The following SLIT3 variants were observed in gnomAD, a reference collection of about 807,000 sequenced individuals.
SLIT3 encodes the protein slit guidance ligand 3, also known as slit homolog 3 protein.
Under a neutral mutation model 184.0 loss-of-function variants are expected in SLIT3, and 68 were observed. The observed-to-expected ratio is 0.37, with a 90% CI of 0.30 to 0.45. The LOEUF (loss-of-function observed/expected upper bound fraction) is 0.45, where lower values mean the gene tolerates loss of function less well. Among genes scored for constraint, SLIT3 ranks in the 20% least tolerant of loss-of-function variants. The pLI is 1.00. For synonymous variants in SLIT3, 831 were observed against 828.6 expected, an observed-to-expected ratio of 1.00 and a Z score of -0.05; for missense variants, 1,707 against 2,026.0, an observed-to-expected ratio of 0.84 and a Z score of 3.02.
At chr5:168,950,116 G>T (rs979250363) in intron 4 of SLIT3, among the ~76,000 whole-genome samples, 1 of 151,314 alleles carries the variant, frequency 6.6e-6, no homozygotes, top group African/African-American at 2.4e-5. Flanking sequence ...ATTTAGAGGT[G>T]GGGAGTTTGG....
chr5:168,771,177 G>A (rs1755538775), intron 14 of SLIT3, among the ~76,000 whole-genome samples: 1 of 152,156 alleles, frequency 6.6e-6, no homozygotes, highest in Non-Finnish European at 1.5e-5. Context: ...AGGAATAGAG[G>A]CCAAGGTTGG....
chr5:169,098,575 G>C (rs1044643147), intron 4 of SLIT3, among the ~76,000 whole-genome samples: 2 of 152,178 alleles, frequency 1.3e-5, no homozygotes, highest in African/African-American at 4.8e-5. Flanking sequence ...CAGACAGACA[G>C]ATGTCCCGTA....
chr5:169,084,228 A>G (rs1759187759), intron 4 of SLIT3, among the ~76,000 whole-genome samples: 1 of 152,130 alleles, frequency 6.6e-6, no homozygotes, highest in African/African-American at 2.4e-5. Context: ...AAGAGAAAAA[A>G]AAGATTGAAG....
At chr5:168,794,261 T>C (rs1245656942) in intron 10 of SLIT3, among the ~76,000 whole-genome samples, 2 of 151,896 alleles carry the variant, frequency 1.3e-5, no homozygotes, top group Non-Finnish European at 2.9e-5. Context: ...TGGGGGGATG[T>C]GAAAAGAGTA....
intron 2 of SLIT3, among the ~76,000 whole-genome samples, chr5:169,249,308 G>GT (rs1462268490): frequency 1.3e-5 from 2 of 152,066 alleles, no homozygotes; most frequent in African/African-American, 2.4e-5. Context: ...GGGATGGGGG[G>GT]TAGGGGAAGG....
At chr5:169,100,203 AG>A in intron 4 of SLIT3, among the ~76,000 whole-genome samples, 1 of 152,326 alleles carries the variant, frequency 6.6e-6, no homozygotes, top group Non-Finnish European at 1.5e-5. Flanking sequence ...AGAAGAGCCT[AG>A]GAAGAATGGT....
chr5:169,229,533 AC>A (rs1215081576), intron 3 of SLIT3, among the ~76,000 whole-genome samples: 1 of 152,244 alleles, frequency 6.6e-6, no homozygotes, highest in African/African-American at 2.4e-5. Flanking sequence ...TGATGGGAGA[AC>A]AGGGAAAGAA....
intron 4 of SLIT3, among the ~76,000 whole-genome samples, chr5:169,167,730 G>A (rs1322678078): frequency 2.0e-5 from 3 of 152,102 alleles, no homozygotes; most frequent in East Asian, 1.9e-4. Flanking sequence ...AGGCAGGCTG[G>A]CTTCTGGTAC....
intron 5 of SLIT3, among the ~76,000 whole-genome samples, chr5:168,874,237 AGTC>A (rs1218302642): frequency 6.6e-6 from 1 of 152,192 alleles, no homozygotes; most frequent in African/African-American, 2.4e-5. Context: ...TTAAAATAAT[AGTC>A]TCCATTATCC....
intron 4 of SLIT3, among the ~76,000 whole-genome samples, chr5:169,046,145 C>T (rs1027652080): frequency 1.3e-5 from 2 of 152,058 alleles, no homozygotes; most frequent in African/African-American, 4.8e-5. Flanking sequence ...CCAAAAGGTG[C>T]CTTATTTTTG....
intron 5 of SLIT3, among the ~76,000 whole-genome samples, chr5:168,872,640 C>CTTTTTTTTTTTTTT (rs774066150): frequency 1.8e-5 from 2 of 112,430 alleles, no homozygotes; most frequent in African/African-American, 3.5e-5. Context: ...TCTTCTTCTT[C>CTTTTTTTTTTTTTT]TTTTTTTTTT....
chr5:168,706,276 G>C (rs547610374), intron 26 of SLIT3, among the ~76,000 whole-genome samples: 3 of 151,918 alleles, frequency 2.0e-5, no homozygotes, highest in African/African-American at 4.8e-5. Flanking sequence ...TGATTCTTAC[G>C]GCAAACCTAT....
At chr5:168,775,865 G>C (rs910643251) in intron 12 of SLIT3, among the ~76,000 whole-genome samples, 1 of 152,160 alleles carries the variant, frequency 6.6e-6, no homozygotes, top group Non-Finnish European at 1.5e-5. Context: ...AGGATGCCAC[G>C]AGGGTGACAG....
intron 4 of SLIT3, among the ~76,000 whole-genome samples, chr5:168,907,863 T>C (rs1321467577): frequency 2.0e-5 from 3 of 148,220 alleles, no homozygotes; most frequent in South Asian, 2.1e-4. Flanking sequence ...TATATCTATA[T>C]CTATAGATAC....
intron 4 of SLIT3, among the ~76,000 whole-genome samples, chr5:168,905,361 TGC>T (rs1761013509): frequency 6.6e-6 from 1 of 152,210 alleles, no homozygotes; most frequent in Non-Finnish European, 1.5e-5. Flanking sequence ...AACACCTGTA[TGC>T]TTGCTGGTGC....
At chr5:169,055,572 T>G (rs1757967478) in intron 4 of SLIT3, among the ~76,000 whole-genome samples, 1 of 152,204 alleles carries the variant, frequency 6.6e-6, no homozygotes, top group Non-Finnish European at 1.5e-5. Flanking sequence ...TCGGGCGCAG[T>G]GGCTCACGCC....
chr5:169,149,952 G>A (rs1762057737), intron 4 of SLIT3, among the ~76,000 whole-genome samples: 1 of 152,116 alleles, frequency 6.6e-6, no homozygotes, highest in South Asian at 2.1e-4. Flanking sequence ...ATTCTCATTT[G>A]ATCATTCCTG....
rs1296275665 is a variant in SLIT3 at position 168,947,511 on chromosome 5, A to T, written c.414-64175T>A. ...CCCAAAAAGGAGGCATAGGAAGAAA[A>T]AAAACAGGCTGGGGTGGTGGGCCTT... On this transcript the variant is annotated intron_variant, in intron 4 of 35. Coordinates refer to ENST00000519560, the MANE Select transcript of SLIT3 (RefSeq NM_003062.4). Among the ~76,000 whole-genome samples the T allele has an allele frequency of 2.6e-5, 4 of 152,186 alleles. No homozygotes were observed. The East Asian group carries it at 7.7e-4, about 29-fold the overall frequency.
Position 168,737,483 on chromosome 5 carries a change from A to G in SLIT3, c.2270+10819T>C, listed in dbSNP as rs192791207. ...CACACACACACACATGCACATGCATATGCACACTGCCAGCCTGCTTCCCAC... is the reference window on the plus strand; with the variant it reads ...CACACACACACACATGCACATGCATGTGCACACTGCCAGCCTGCTTCCCAC... On this transcript the variant is annotated intron_variant, in intron 20 of 35. Coordinates refer to ENST00000519560, the MANE Select transcript of SLIT3 (RefSeq NM_003062.4). 4.7e-4 allele frequency among the ~76,000 whole-genome samples: 72 copies of G among 152,228 alleles called. 1 individual carries two copies. Among genetic ancestry groups the G allele is most frequent in the African/African-American group, 1.7e-3 (69 of 41,528 alleles).
Sources: allele counts gnomAD v4.1 joint callset (sites outside exome capture counted in the v4.1 genomes callset), GRCh38; gene constraint gnomAD v4.1.1; transcripts MANE v1.5; gene names NCBI Gene and HGNC (gene_info 2026-07-23, HGNC 2026-07-21).